The following AFF3 variants were observed in gnomAD, a reference collection of about 807,000 sequenced individuals.
AFF3 encodes the protein ALF transcription elongation factor 3, also known as AF4/FMR2 family member 3.
In AFF3, 32 loss-of-function variants were observed where a neutral mutation model predicts 129.7. The ratio of observed to expected loss-of-function variants is 0.25; its 90% CI spans 0.19 to 0.33. AFF3 has a LOEUF of 0.33. AFF3 is among the 10% of genes least tolerant of loss of function. AFF3 has a pLI of 1.00. For missense variants in AFF3, 1,373 were observed against 1,592.0 expected, an observed-to-expected ratio of 0.86 and a Z score of 2.34; for synonymous variants, 644 against 635.4, an observed-to-expected ratio of 1.01 and a Z score of -0.20.
chr2:99,685,717 G>T (rs984213168), intron 11 of AFF3, among the ~76,000 whole-genome samples: 2 of 152,188 alleles, frequency 1.3e-5, no homozygotes, highest in Admixed American at 1.3e-4. Flanking sequence ...CTCTAAGTGG[G>T]AATGTACACT....
chr2:99,899,991 T>C (rs755990635), intron 7 of AFF3, among the ~76,000 whole-genome samples: 10 of 152,108 alleles, frequency 6.6e-5, no homozygotes, highest in Non-Finnish European at 1.3e-4. Flanking sequence ...GCTGCACCAA[T>C]AACCACTTAA....
intron 7 of AFF3, among the ~76,000 whole-genome samples, chr2:99,858,385 A>AG (rs1576204217): frequency 1.3e-5 from 2 of 150,630 alleles, no homozygotes. Flanking sequence ...GTTTCTACAA[A>AG]AAAAAAAAAA....
chr2:99,993,518 A>C (rs1171024446), intron 7 of AFF3, among the ~76,000 whole-genome samples: 2 of 151,996 alleles, frequency 1.3e-5, no homozygotes, highest in African/African-American at 2.4e-5. Context: ...TTTAAAAATT[A>C]GAAAACTAAA....
chr2:99,702,425 C>T lies in AFF3; in HGVS notation c.1091+24652G>A, dbSNP rs371063550. 3.8e-4 allele frequency among the ~76,000 whole-genome samples: 58 copies of T among 152,276 alleles called. 3 individuals are homozygous for T. In the South Asian group the frequency reaches 6.4e-3, roughly 17 times the overall value. ...CGCCATCCCAGCTCACCACAACCTCCGCCTCCCAGGTTCAAGTGATTCTCC... is the reference window on the plus strand; with the variant it reads ...CGCCATCCCAGCTCACCACAACCTCTGCCTCCCAGGTTCAAGTGATTCTCC... On this transcript the variant is annotated intron_variant, in intron 11 of 24. Transcript: ENST00000672756.
At chr2:99,652,357 T>A (rs368407531) in intron 12 of AFF3, among the ~76,000 whole-genome samples, 1 of 152,094 alleles carries the variant, frequency 6.6e-6, no homozygotes, top group Admixed American at 6.5e-5. Flanking sequence ...GGATCAATAA[T>A]GGCAGTAGTG....
At chr2:99,873,156 T>C (rs1373706720) in intron 7 of AFF3, among the ~76,000 whole-genome samples, 1 of 152,240 alleles carries the variant, frequency 6.6e-6, no homozygotes, top group African/African-American at 2.4e-5. Flanking sequence ...TATAGAGTAT[T>C]AGAAAGCACA....
chr2:99,667,401 A>G (rs55855926), intron 12 of AFF3, among the ~76,000 whole-genome samples: 22,746 of 152,212 alleles, frequency 0.15, 2,134 homozygotes, highest in South Asian at 0.26. Flanking sequence ...CTAAATACTT[A>G]TATCATAAAA....
At chr2:99,642,994 G>C (rs998305793) in intron 13 of AFF3, among the ~76,000 whole-genome samples, 8 of 151,364 alleles carry the variant, frequency 5.3e-5, no homozygotes, top group African/African-American at 1.9e-4. Flanking sequence ...TAACACAAGG[G>C]ATAAATGCTT....
intron 4 of AFF3, among the ~76,000 whole-genome samples, chr2:100,071,530 G>A (rs1559104843): frequency 6.6e-6 from 1 of 152,152 alleles, no homozygotes; most frequent in Non-Finnish European, 1.5e-5. Flanking sequence ...AACACGTCGG[G>A]AGAGAGGAAG....
intron 8 of AFF3, among the ~76,000 whole-genome samples, chr2:99,803,353 T>C (rs540275571): frequency 2.6e-5 from 4 of 152,204 alleles, no homozygotes; most frequent in South Asian, 4.1e-4. Flanking sequence ...TTGAGGATTT[T>C]TGCACTTATG....
chr2:99,990,416 T>C (rs1680237549), intron 7 of AFF3, among the ~76,000 whole-genome samples: 1 of 152,194 alleles, frequency 6.6e-6, no homozygotes, highest in South Asian at 2.1e-4. Flanking sequence ...ATAGTTAAGA[T>C]GGTAAATTTT....
intron 4 of AFF3, among the ~76,000 whole-genome samples, chr2:100,068,626 A>G (rs1473808325): frequency 6.6e-6 from 1 of 152,128 alleles, no homozygotes; most frequent in Non-Finnish European, 1.5e-5. Context: ...GAACACACAT[A>G]CTCAGAGTAG....
At chr2:99,845,597 C>T (rs142829977) in intron 7 of AFF3, among the ~76,000 whole-genome samples, 267 of 152,284 alleles carry the variant, frequency 1.8e-3, no homozygotes, top group African/African-American at 5.7e-3. Context: ...AACCATGTTA[C>T]AGGGCTTCCC....
intron 7 of AFF3, among the ~76,000 whole-genome samples, chr2:99,941,227 C>G (rs545586391): frequency 1.3e-5 from 2 of 152,068 alleles, no homozygotes; most frequent in African/African-American, 4.8e-5. Context: ...GGCAAACAGT[C>G]AGAGAGAAAA....
intron 4 of AFF3, among the ~76,000 whole-genome samples, chr2:100,013,864 A>T (rs1231356127): frequency 6.6e-6 from 1 of 152,182 alleles, no homozygotes; most frequent in African/African-American, 2.4e-5. Context: ...ATAAAAAAAT[A>T]AAAAATGATA....
At chr2:100,130,375 C>G (rs1692377287) in intron 1 of AFF3, among the ~76,000 whole-genome samples, 1 of 152,206 alleles carries the variant, frequency 6.6e-6, no homozygotes, top group African/African-American at 2.4e-5. Context: ...CTGGGCCTGT[C>G]CTCTGCGCAA....
At chr2:99,932,827 G>A (rs977060226) in intron 7 of AFF3, among the ~76,000 whole-genome samples, 1 of 152,158 alleles carries the variant, frequency 6.6e-6, no homozygotes, top group Non-Finnish European at 1.5e-5. Context: ...CAGTTTCCAC[G>A]TGACCCCATA....
intron 7 of AFF3, among the ~76,000 whole-genome samples, chr2:99,904,867 G>A (rs561039625): frequency 1.3e-5 from 2 of 152,056 alleles, no homozygotes; most frequent in South Asian, 4.2e-4. Context: ...TCTAGAGTTC[G>A]AGCCGTTCCC....
chr2:99,796,278 C>T (rs2105475080), intron 8 of AFF3, among the ~76,000 whole-genome samples: 1 of 152,332 alleles, frequency 6.6e-6, no homozygotes, highest in East Asian at 1.9e-4. Context: ...GTAGCACCCA[C>T]TGCAACTGAC....
Sources: allele counts gnomAD v4.1 joint callset (sites outside exome capture counted in the v4.1 genomes callset), GRCh38; gene constraint gnomAD v4.1.1; transcripts MANE v1.5; gene names NCBI Gene and HGNC (gene_info 2026-07-23, HGNC 2026-07-21).